NRG3: variants seen among roughly 807,000 people sequenced by gnomAD.
The protein encoded by NRG3 is neuregulin 3, also known as pro-neuregulin-3, membrane-bound isoform.
Under a neutral mutation model 66.9 loss-of-function variants are expected in NRG3, and 31 were observed. The observed-to-expected ratio is 0.46, with a 90% confidence interval of 0.35 to 0.63. The LOEUF (loss-of-function observed/expected upper bound fraction) is 0.63. NRG3 is among the 20% of genes least tolerant of loss of function. The pLI, the probability that NRG3 is intolerant of heterozygous loss-of-function variation, is 0.00. For missense variants in NRG3, 910 were observed against 878.9 expected, an observed-to-expected ratio of 1.04 and a Z score of -0.45; for synonymous variants, 393 against 359.4, an observed-to-expected ratio of 1.09 and a Z score of -1.06.
At chr10:82,190,237 A>G (rs1423755473) in intron 1 of NRG3, among the ~76,000 whole-genome samples, 2 of 152,162 alleles carry the variant, frequency 1.3e-5, no homozygotes, top group Non-Finnish European at 2.9e-5. Flanking sequence ...GCCTGTCACA[A>G]AGTGATATTA....
intron 5 of NRG3, among the ~76,000 whole-genome samples, chr10:82,955,650 C>T (rs1419442910): frequency 1.3e-5 from 2 of 151,934 alleles, no homozygotes; most frequent in South Asian, 2.1e-4. Context: ...CTGGTATTAT[C>T]AGTAAAATGT....
chr10:82,506,448 G>T (rs1386223641), intron 2 of NRG3, among the ~76,000 whole-genome samples: 1 of 152,064 alleles, frequency 6.6e-6, no homozygotes, highest in East Asian at 1.9e-4. Flanking sequence ...TTTTTGTAGA[G>T]AAGTGGCCCC....
At chr10:82,083,664 G>A (rs367652746) in intron 1 of NRG3, among the ~76,000 whole-genome samples, 1 of 148,722 alleles carries the variant, frequency 6.7e-6, no homozygotes, top group Non-Finnish European at 1.5e-5. Context: ...GTGCGATCTC[G>A]GCCCACCACA....
At chr10:82,076,602 C>G (rs1354385666) in intron 1 of NRG3, among the ~76,000 whole-genome samples, 2 of 152,106 alleles carry the variant, frequency 1.3e-5, no homozygotes, top group Non-Finnish European at 2.9e-5. Flanking sequence ...TGGTGCCATA[C>G]CCATGGTATG....
At chr10:82,892,913 C>T (rs909035500) in intron 4 of NRG3, among the ~76,000 whole-genome samples, 1 of 151,846 alleles carries the variant, frequency 6.6e-6, no homozygotes, top group Non-Finnish European at 1.5e-5. Context: ...ATATGTACCT[C>T]ATAACACCAC....
intron 1 of NRG3, among the ~76,000 whole-genome samples, chr10:81,907,522 T>G (rs1218247084): frequency 6.6e-6 from 1 of 152,204 alleles, no homozygotes; most frequent in Non-Finnish European, 1.5e-5. Context: ...ATAATCGTTT[T>G]TAATGAGAGC....
intron 4 of NRG3, among the ~76,000 whole-genome samples, chr10:82,886,005 G>A (rs1842691973): frequency 6.6e-6 from 1 of 152,074 alleles, no homozygotes; most frequent in African/African-American, 2.4e-5. Context: ...CCGAGTAGCT[G>A]GGACTACATG....
chr10:82,559,306 G>A (rs543391981), intron 2 of NRG3, among the ~76,000 whole-genome samples: 1 of 152,252 alleles, frequency 6.6e-6, no homozygotes, highest in African/African-American at 2.4e-5. Flanking sequence ...CAAGATAAAG[G>A]GAAGGAAGGA....
At chr10:82,312,698 A>C (rs184053931) in intron 1 of NRG3, among the ~76,000 whole-genome samples, 33 of 152,350 alleles carry the variant, frequency 2.2e-4, no homozygotes, top group Non-Finnish European at 3.7e-4. Flanking sequence ...GCAAAAGATC[A>C]AAAACGAAAA....
chr10:82,117,803 A>G (rs868156359), intron 1 of NRG3, among the ~76,000 whole-genome samples: 16 of 152,264 alleles, frequency 1.1e-4, no homozygotes, highest in Admixed American at 1.3e-4. Flanking sequence ...ATCACCTCAA[A>G]GTAGTGAATT....
At chr10:82,159,344 A>G (rs2071408612) in intron 1 of NRG3, among the ~76,000 whole-genome samples, 1 of 151,778 alleles carries the variant, frequency 6.6e-6, no homozygotes, top group African/African-American at 2.4e-5. Flanking sequence ...AGCACTCCAA[A>G]TATCTCTAAC....
At chr10:82,377,431 T>TGC (rs373225932) in intron 2 of NRG3, among the ~76,000 whole-genome samples, 4 of 150,566 alleles carry the variant, frequency 2.7e-5, no homozygotes, top group African/African-American at 9.9e-5. Context: ...TGTGTGTGTG[T>TGC]GCGCGTGTGT....
chr10:82,116,443 A>G (rs1369883022), intron 1 of NRG3, among the ~76,000 whole-genome samples: 1 of 152,158 alleles, frequency 6.6e-6, no homozygotes, highest in Non-Finnish European at 1.5e-5. Context: ...CATTTAATTT[A>G]GAAACTATGA....
At chr10:82,525,093 G>A (rs944622332) in intron 2 of NRG3, among the ~76,000 whole-genome samples, 1 of 151,776 alleles carries the variant, frequency 6.6e-6, no homozygotes, top group Non-Finnish European at 1.5e-5. Context: ...ATTAAAGGTG[G>A]ATTAGCTTAT....
At chr10:82,274,374 G>A (rs2078740619) in intron 1 of NRG3, among the ~76,000 whole-genome samples, 1 of 151,892 alleles carries the variant, frequency 6.6e-6, no homozygotes, top group African/African-American at 2.4e-5. Flanking sequence ...TTCTAATTCT[G>A]AATTCTCATA....
chr10:82,544,024 T>C (rs1234351027), intron 2 of NRG3, among the ~76,000 whole-genome samples: 2 of 152,148 alleles, frequency 1.3e-5, no homozygotes. Context: ...TTGCCTTGGT[T>C]TTGTCAGTTA....
intron 1 of NRG3, among the ~76,000 whole-genome samples, chr10:82,125,369 A>G (rs747371726): frequency 6.6e-6 from 1 of 152,072 alleles, no homozygotes; most frequent in Non-Finnish European, 1.5e-5. Flanking sequence ...TTGCAAAGAC[A>G]TTATTTTAAA....
intron 3 of NRG3, among the ~76,000 whole-genome samples, chr10:82,790,842 C>T (rs569642111): frequency 6.6e-6 from 1 of 151,758 alleles, no homozygotes; most frequent in African/African-American, 2.4e-5. Flanking sequence ...TTTCCTTCTG[C>T]CTGCTTAAAT....
At chr10:82,013,504 T>A (rs2061662062) in intron 1 of NRG3, among the ~76,000 whole-genome samples, 1 of 152,152 alleles carries the variant, frequency 6.6e-6, no homozygotes, top group African/African-American at 2.4e-5. Context: ...GTATTGGCAA[T>A]TTTTATTTTC....
Sources: allele counts gnomAD v4.1 joint callset (sites outside exome capture counted in the v4.1 genomes callset), GRCh38; gene constraint gnomAD v4.1.1; transcripts MANE v1.5; gene names NCBI Gene and HGNC (gene_info 2026-07-23, HGNC 2026-07-21).